The following FAM135B variants were observed in gnomAD, a reference collection of about 807,000 sequenced individuals.
The protein encoded by FAM135B is family with sequence similarity 135 member B.
A neutral mutation model predicts 127.7 loss-of-function variants in FAM135B; 43 were observed. The observed-to-expected ratio is 0.34, with a 90% confidence interval of 0.26 to 0.43. FAM135B has a LOEUF of 0.43. Ranked by LOEUF, FAM135B falls within the 20% of genes least tolerant of loss-of-function variation. The probability of loss-of-function intolerance (pLI) is 1.00; values close to 1 mark genes in which losing one functional copy is unlikely to be tolerated. For missense variants in FAM135B, 1,558 were observed against 1,725.6 expected (o/e 0.90, Z 1.72); for synonymous variants, 670 against 665.1 (o/e 1.01, Z -0.11).
intron 9 of FAM135B, among the ~76,000 whole-genome samples, chr8:138,182,276 C>T (rs999386860): frequency 9.9e-5 from 15 of 152,242 alleles, no homozygotes; most frequent in Admixed American, 2.0e-4. Flanking sequence ...GAGGACTTTT[C>T]TACTCCACAG....
intron 15 of FAM135B, among the ~76,000 whole-genome samples, chr8:138,144,104 C>T (rs751688596): frequency 2.6e-5 from 4 of 152,228 alleles, no homozygotes; most frequent in African/African-American, 4.8e-5. Context: ...AGTGTCACCA[C>T]CTCCTTAGTG....
chr8:138,195,399 G>C, intron 8 of FAM135B, 92 bp from the exon 9 acceptor site: 1 of 1,213,896 alleles, frequency 8.2e-7, no homozygotes, highest in South Asian at 1.2e-5. Flanking sequence ...TTTCACATTG[G>C]CATTAACGTC....
chr8:138,190,157 C>A (rs1425846084), intron 9 of FAM135B, among the ~76,000 whole-genome samples: 3 of 152,142 alleles, frequency 2.0e-5, no homozygotes, highest in Non-Finnish European at 2.9e-5. Flanking sequence ...TTGGTAAATT[C>A]TCTTAGCACC....
At chr8:138,409,126 C>A (rs1394908810) in intron 1 of FAM135B, among the ~76,000 whole-genome samples, 1 of 152,122 alleles carries the variant, frequency 6.6e-6, no homozygotes, top group Non-Finnish European at 1.5e-5. Context: ...TCATTTCTAG[C>A]TTTTAGTTTA....
At position 138,410,167 on chromosome 8, in the gene FAM135B, T is replaced by C. The variant is rs147731190; in HGVS notation, c.-19-42165A>G. Among the ~76,000 whole-genome samples, 64 of 152,290 alleles carry C rather than the reference T, an allele frequency of 4.2e-4. 1 individual carries two copies. The East Asian group carries it at 0.012, about 28-fold the overall frequency. On this transcript the variant is annotated intron_variant, in intron 1 of 19. Transcript: ENST00000395297. ...TATTTTTCTAAGTGGGGCTTACATA[T>C]TACCAGGAAGGGCTCCAGGAGGAGG...
At chr8:138,262,049 AC>A (rs1822575848) in intron 4 of FAM135B, among the ~76,000 whole-genome samples, 1 of 152,178 alleles carries the variant, frequency 6.6e-6, no homozygotes, top group South Asian at 2.1e-4. Flanking sequence ...CATATGGATT[AC>A]CCCCAACACA....
intron 9 of FAM135B, among the ~76,000 whole-genome samples, chr8:138,194,634 G>T (rs764509500): frequency 1.3e-5 from 2 of 152,276 alleles, no homozygotes; most frequent in Non-Finnish European, 2.9e-5. Context: ...TTCTAGTACT[G>T]ATTAGCTGTG....
chr8:138,246,259 G>A (rs780402709), intron 6 of FAM135B, among the ~76,000 whole-genome samples: 12 of 152,178 alleles, frequency 7.9e-5, no homozygotes, highest in Non-Finnish European at 1.6e-4. Flanking sequence ...AATCACCAAG[G>A]AAATGGGGAA....
chr8:138,191,674 T>G (rs1028584544), intron 9 of FAM135B, among the ~76,000 whole-genome samples: 1 of 152,094 alleles, frequency 6.6e-6, no homozygotes, highest in Non-Finnish European at 1.5e-5. Context: ...TAATAAAAAT[T>G]CTCATGGGCC....
At chr8:138,315,833 T>A (rs1464322305) in intron 2 of FAM135B, among the ~76,000 whole-genome samples, 9 of 151,818 alleles carry the variant, frequency 5.9e-5, no homozygotes, top group Non-Finnish European at 1.0e-4. Context: ...AAAGAGAGAA[T>A]AGGATGATAG....
intron 7 of FAM135B, among the ~76,000 whole-genome samples, chr8:138,197,925 A>C (rs954687273): frequency 6.6e-6 from 1 of 152,164 alleles, no homozygotes. Context: ...CTTATATTCA[A>C]ATTAAAATAA....
At chr8:138,167,630 A>G (rs1368913615) in intron 12 of FAM135B, among the ~76,000 whole-genome samples, 1 of 152,210 alleles carries the variant, frequency 6.6e-6, no homozygotes, top group Non-Finnish European at 1.5e-5. Flanking sequence ...CCCATTTTGC[A>G]GGTGAAAACG....
chr8:138,320,426 C>T (rs1327475033), intron 2 of FAM135B, among the ~76,000 whole-genome samples: 4 of 152,196 alleles, frequency 2.6e-5, no homozygotes, highest in Non-Finnish European at 4.4e-5. Context: ...GGTGCTTTAA[C>T]GTTATAAGCC....
intron 2 of FAM135B, among the ~76,000 whole-genome samples, chr8:138,342,434 C>T (rs1315559845): frequency 2.0e-5 from 3 of 152,230 alleles, no homozygotes; most frequent in African/African-American, 7.2e-5. Context: ...GCAGAAGGCA[C>T]AGCCTCCTTT....
intron 3 of FAM135B, among the ~76,000 whole-genome samples, chr8:138,300,514 G>A (rs1308961133): frequency 4.6e-5 from 7 of 152,038 alleles, no homozygotes; most frequent in African/African-American, 1.7e-4. Context: ...TGCTGCAAAG[G>A]TCCTCAAAGA....
rs1818308963 is a variant in FAM135B, at chr8:138,152,856, C to G, written c.1619G>C (p.Ser540Thr). 2 of 1,614,202 alleles carry G rather than the reference C, an allele frequency of 1.2e-6. No homozygotes were observed. The highest frequency in any genetic ancestry group is 1.7e-6 in the Non-Finnish European group (2 of 1,180,020). Residue 540 changes from serine (S) to threonine (T), a missense_variant, in exon 13 of 20, where the codon AGT becomes ACT. Physicochemically the swap from Ser to Thr is moderately conservative, Grantham distance 58. Around this residue, in one of 5 missense-constraint regions of FAM135B, gnomAD observed 923 missense variants for 865.3 expected, o/e 1.07. Transcript: ENST00000395297. ...GGCCTGTCCATCCTCTGGACCTGGACTCCTTCTAGAAGTATCCACATCTGC... is the reference window on the plus strand; with the variant it reads ...GGCCTGTCCATCCTCTGGACCTGGAGTCCTTCTAGAAGTATCCACATCTGC... Reference protein sequence around the residue: ...PVADVDTSRRSPGPEDGQAPV... With the variant: ...PVADVDTSRRTPGPEDGQAPV...
chr8:138,207,856 G>C (rs1023037580), intron 7 of FAM135B, among the ~76,000 whole-genome samples: 5 of 152,308 alleles, frequency 3.3e-5, no homozygotes, highest in African/African-American at 1.2e-4. Context: ...GGTGAAGGAG[G>C]CATCCTGCAA....
chr8:138,183,553 A>T (rs1159322529), intron 9 of FAM135B, among the ~76,000 whole-genome samples: 1 of 152,256 alleles, frequency 6.6e-6, no homozygotes, highest in Non-Finnish European at 1.5e-5. Context: ...CTTTGCATGT[A>T]TCAGACTCTT....
At chr8:138,266,360 G>C (rs1332995488) in intron 3 of FAM135B, among the ~76,000 whole-genome samples, 1 of 151,982 alleles carries the variant, frequency 6.6e-6, no homozygotes, top group South Asian at 2.1e-4. Context: ...ATCCTATTAT[G>C]CTGTATATCA....
Sources: gnomAD v4.1 joint callset for allele counts (sites outside exome capture counted in the v4.1 genomes callset) on GRCh38, gnomAD v4.1.1 for gene constraint, gnomAD v4.1.1 regional missense constraint, MANE v1.5 for transcripts, NCBI Gene and HGNC (gene_info 2026-07-23, HGNC 2026-07-21) for gene names.